TMEM64: variants seen among roughly 807,000 people sequenced by gnomAD.
TMEM64 encodes the protein transmembrane protein 64.
A neutral mutation model predicts 24.5 loss-of-function variants in TMEM64; 19 were observed. The ratio of observed to expected loss-of-function variants is 0.78; its 90% CI spans 0.54 to 1.14. The LOEUF is 1.14. Among genes scored for constraint, TMEM64 ranks in the 50% most tolerant of loss-of-function variants. The pLI, the probability that TMEM64 is intolerant of heterozygous loss-of-function variation, is 0.00. For missense variants in TMEM64, 487 were observed against 493.0 expected, an observed-to-expected ratio of 0.99 and a Z score of 0.12; for synonymous variants, 262 against 224.7, an observed-to-expected ratio of 1.17 and a Z score of -1.49.
In TMEM64 at chr8:90,645,062, C is replaced by A; in HGVS notation, c.795+49G>T. ...CGCCCTCCTAGGGCCGCCACAAGAC[C>A]GCTCAAAAACAGACTTGGAGAGGGA... On this transcript the variant is annotated intron_variant, in intron 1 of 2. Coordinates refer to ENST00000458549, the MANE Select transcript of TMEM64 (RefSeq NM_001008495.4). This position sits in a 1 kb window ranked among gnomAD's most constrained non-coding sequence, Gnocchi z 4.2. The A allele has an allele frequency of 4.5e-6, 7 of 1,554,362 alleles. No individual in the cohort carries two copies. Among genetic ancestry groups the A allele is most frequent in the Non-Finnish European group, 6.1e-6 (7 of 1,143,970 alleles).
Position 90,625,194 on chromosome 8 carries a change from T to TAAAAC in TMEM64, c.*472_*476dup, listed in dbSNP as rs1366848126. ...AAGCTAAGTGGTCCCACTTAAACAA[T>TAAAAC]AAAACAAAACAAAACAAAAACCACT... is the stretch of plus-strand genomic sequence containing the variant. On this transcript the variant is annotated 3_prime_UTR_variant, in exon 3 of 3. Transcript: ENST00000458549. 1.3e-5 allele frequency: 2 copies of TAAAAC among 152,190 alleles called. No homozygotes were observed. Among genetic ancestry groups the TAAAAC allele is most frequent in the South Asian group, 4.1e-4 (2 of 4,834 alleles). The allele number at this position is 152,190 out of a possible 1,614,324, so 9.4% of individuals were successfully genotyped here.
chr8:90,641,875 A>G (rs1185341017), intron 1 of TMEM64, among the ~76,000 whole-genome samples: 1 of 152,212 alleles, frequency 6.6e-6, no homozygotes, highest in Non-Finnish European at 1.5e-5. Context: ...TAATGAGCAA[A>G]CTATATATTT....
At chr8:90,628,720 T>C (rs1350658954) in intron 2 of TMEM64, among the ~76,000 whole-genome samples, 1 of 152,158 alleles carries the variant, frequency 6.6e-6, no homozygotes, top group East Asian at 1.9e-4. Context: ...AGTTTGAGCA[T>C]TCCTAACCCA....
rs1380852970 is a variant in TMEM64, at chr8:90,645,422, G to T, written c.484C>A (p.Leu162Ile). 1 of 1,551,716 alleles carries T rather than the reference G, an allele frequency of 6.4e-7. No individual in the cohort carries two copies. Among genetic ancestry groups the T allele is most frequent in the South Asian group, 1.2e-5 (1 of 84,074 alleles). Residue 162 changes from leucine to isoleucine, a missense_variant, in exon 1 of 3, where the codon CTC becomes ATC. Physicochemically the swap from Leu to Ile is conservative, Grantham distance 5 (BLOSUM62 2). Around this residue, in one of 3 missense-constraint regions of TMEM64, gnomAD observed 419 missense variants for 407.5 expected, o/e 1.03. Transcript: ENST00000458549. This position sits in a 1 kb window ranked among gnomAD's most constrained non-coding sequence, Gnocchi z 4.2. ...ESLDSLLGVLLFVVGFIVVSF... is the reference protein window; with the variant it reads ...ESLDSLLGVLIFVVGFIVVSF... Reference sequence around the variant, plus strand: ...ACCACGATGAAGCCCACGACGAAGAGCAGGACCCCCAGCAGCGAGTCAAGG... The same window carrying T: ...ACCACGATGAAGCCCACGACGAAGATCAGGACCCCCAGCAGCGAGTCAAGG...
intron 2 of TMEM64, among the ~76,000 whole-genome samples, chr8:90,627,481 T>C (rs1032894003): frequency 6.9e-6 from 1 of 145,920 alleles, no homozygotes; most frequent in Non-Finnish European, 1.5e-5. Context: ...CGGGGGCGGG[T>C]GCTTTGTGAA....
chr8:90,645,732 T>C lies in TMEM64; in HGVS notation c.174A>G (p.Ala58=), dbSNP rs1210651397. The change falls in exon 1 of 3, where the codon GCA becomes GCG. Residue 58 remains alanine, a synonymous_variant. Coordinates refer to ENST00000458549, the MANE Select transcript of TMEM64 (RefSeq NM_001008495.4). The surrounding 1 kb of genome is among the most constrained non-coding windows in gnomAD (Gnocchi z 4.2). ...RGGGASAAAA[A]AAASGALLGA... ...CGAGCAGGGCGCCCGAGGCCGCCGC[T>C]GCTGCCGCCGCCGCGCTCGCCCCGC... 7.8e-6 allele frequency: 9 copies of C among 1,157,544 alleles called. No homozygotes were observed. The highest frequency in any genetic ancestry group is 2.1e-6 in the Non-Finnish European group (2 of 941,716). 71.7% of individuals were successfully genotyped at this position (1,157,544 alleles called of 1,614,324 possible).
Position 90,645,534 on chromosome 8 carries a change from C to A in TMEM64, c.372G>T (p.Val124=). The A allele has an allele frequency of 1.3e-6, 2 of 1,548,884 alleles. No individual in the cohort carries two copies. The highest frequency in any genetic ancestry group is 2.4e-5 in the East Asian group (1 of 40,896). ...LGSTCWCRSL[V]LVCVLAALCF... is the part of the protein sequence containing the mutation. ...ACAGGGCGGCCAACACGCAGACCAG[C>A]ACGAGGCTCCGGCACCAACAGGTGC... Residue 124 remains valine, a synonymous_variant, in exon 1 of 3, where the codon GTG becomes GTT. Coordinates refer to ENST00000458549, the MANE Select transcript of TMEM64 (RefSeq NM_001008495.4). The surrounding 1 kb of genome is among the most constrained non-coding windows in gnomAD (Gnocchi z 4.2).
In TMEM64 at chr8:90,623,248, G is replaced by C. The variant is rs1209218349; in HGVS notation, c.*2423C>G. The C allele has an allele frequency of 6.6e-6, 1 of 152,074 alleles. No individual in the cohort carries two copies. Among genetic ancestry groups the C allele is most frequent in the African/African-American group, 2.4e-5 (1 of 41,406 alleles). The allele number at this position is 152,074 out of a possible 1,614,324, so 9.4% of individuals were successfully genotyped here. The stretch of plus-strand genomic sequence containing the variant: ...TTCATTTCTATAAATATACATGAGT[G>C]GAGACATTTTATAAGTACATATGAC... On this transcript the variant is annotated 3_prime_UTR_variant, in exon 3 of 3. Transcript: ENST00000458549.
intron 2 of TMEM64, among the ~76,000 whole-genome samples, chr8:90,631,139 T>TA (rs1194847214): frequency 6.6e-6 from 1 of 152,122 alleles, no homozygotes; most frequent in African/African-American, 2.4e-5. Context: ...AACATAACAC[T>TA]AAAAAATACA....
In TMEM64 at chr8:90,645,777, C is replaced by A. The variant is rs1179443339; in HGVS notation, c.129G>T (p.Ala43=). Residue 43 remains alanine (A), a synonymous_variant, in exon 1 of 3, where the codon GCG becomes GCT. Transcript: ENST00000458549. This position sits in a 1 kb window ranked among gnomAD's most constrained non-coding sequence, Gnocchi z 4.2. ...CCCCGCCCCCGCGGGGAAGGCGGTC[C>A]GCCGGGCCGTCCCCGCCCGCACCCC... is the stretch of plus-strand genomic sequence containing the variant. The part of the protein sequence containing the change: ...LPRGAGGDGP[A]DRLPRGGGAS... The A allele has an allele frequency of 2.0e-6, 2 of 1,021,034 alleles. No homozygotes were observed. The highest frequency in any genetic ancestry group is 1.7e-5 in the African/African-American group (1 of 57,596). The allele number at this position is 1,021,034 out of a possible 1,614,324, so 63.2% of individuals were successfully genotyped here. A position where few individuals can be genotyped will look rare whatever the true frequency, so the allele number is the denominator to read the frequency against.
intron 2 of TMEM64, among the ~76,000 whole-genome samples, chr8:90,629,503 G>T (rs1229020419): frequency 6.6e-6 from 1 of 151,808 alleles, no homozygotes; most frequent in African/African-American, 2.4e-5. Flanking sequence ...CTTATTTTCA[G>T]GAAACTACAA....
intron 2 of TMEM64, 141 bp from the exon 3 acceptor site, chr8:90,626,003 A>G: frequency 1.6e-6 from 1 of 633,390 alleles, no homozygotes; most frequent in East Asian, 2.8e-5. Flanking sequence ...ATTTTTAAAT[A>G]GTTTACACAC....
Position 90,645,721 on chromosome 8 carries a change from G to C in TMEM64, c.185C>G (p.Ser62Trp), listed in dbSNP as rs1809689022. The C allele has an allele frequency of 1.7e-5, 20 of 1,193,660 alleles. No homozygotes were observed. Among genetic ancestry groups the C allele is most frequent in the Non-Finnish European group, 2.1e-5 (20 of 964,944 alleles). The allele number at this position is 1,193,660 out of a possible 1,614,324, so 73.9% of individuals were successfully genotyped here. The change falls in exon 1 of 3, where the codon TCG becomes TGG. Residue 62 changes from serine to tryptophan, a missense_variant. This residue lies in a region of TMEM64 where 419 missense variants were observed against 407.5 expected (regional missense o/e 1.03). Coordinates refer to ENST00000458549, the MANE Select transcript of TMEM64 (RefSeq NM_001008495.4). The surrounding 1 kb of genome is among the most constrained non-coding windows in gnomAD (Gnocchi z 4.2). ...ASAAAAAAAASGALLGAYLER... is the reference protein window; with the variant it reads ...ASAAAAAAAAWGALLGAYLER... Reference sequence around the variant, plus strand: ...CAGATAGGCGCCGAGCAGGGCGCCCGAGGCCGCCGCTGCTGCCGCCGCCGC... The same window carrying C: ...CAGATAGGCGCCGAGCAGGGCGCCCCAGGCCGCCGCTGCTGCCGCCGCCGC...
chr8:90,643,124 C>G (rs1255774261), intron 1 of TMEM64, among the ~76,000 whole-genome samples: 1 of 152,034 alleles, frequency 6.6e-6, no homozygotes. Flanking sequence ...ATAATGAGCC[C>G]TTACTATTTA....
At chr8:90,644,756 T>C (rs1261321463) in intron 1 of TMEM64, among the ~76,000 whole-genome samples, 4 of 152,204 alleles carry the variant, frequency 2.6e-5, no homozygotes, top group African/African-American at 9.6e-5. Flanking sequence ...GAGAGAAAGC[T>C]TTCCTCCCTA....
chr8:90,640,380 A>C (rs1809587042), intron 1 of TMEM64, among the ~76,000 whole-genome samples: 1 of 152,244 alleles, frequency 6.6e-6, no homozygotes, highest in Non-Finnish European at 1.5e-5. Flanking sequence ...AAATGAGAAA[A>C]TGTGTATTTT....
rs1234579359 is a variant in TMEM64, at chr8:90,622,866, T to C, written c.*2805A>G. ...ATAAACCCACAGTCACTTCTGAACA[T>C]AAAGTACACATTCTAATGACAGAGA... On this transcript the variant is annotated 3_prime_UTR_variant, in exon 3 of 3. Coordinates refer to ENST00000458549, the MANE Select transcript of TMEM64 (RefSeq NM_001008495.4). 6.6e-6 allele frequency: 1 copy of C among 152,178 alleles called. No individual in the cohort carries two copies. The highest frequency in any genetic ancestry group is 2.4e-5 in the African/African-American group (1 of 41,460). The allele number at this position is 152,178 out of a possible 1,614,324, so 9.4% of individuals were successfully genotyped here. A position where few individuals can be genotyped will look rare whatever the true frequency, so the allele number is the denominator to read the frequency against.
chr8:90,623,447 A>G lies in TMEM64; in HGVS notation c.*2224T>C, dbSNP rs1447302706. On this transcript the variant is annotated 3_prime_UTR_variant, in exon 3 of 3. Transcript: ENST00000458549. ...AATTTACCCATCAAGTAGCAGGACT[A>G]TAAGGGACTATTGTTTACTTGGATG... is the stretch of plus-strand genomic sequence containing the variant. 1.3e-5 allele frequency: 2 copies of G among 152,544 alleles called. No homozygotes were observed. The highest frequency in any genetic ancestry group is 1.3e-4 in the Admixed American group (2 of 15,264). 9.4% of individuals were successfully genotyped at this position (152,544 alleles called of 1,614,324 possible). A position where few individuals can be genotyped will look rare whatever the true frequency, so the allele number is the denominator to read the frequency against.
chr8:90,645,553 C>T lies in TMEM64; in HGVS notation c.353G>A (p.Cys118Tyr), dbSNP rs890991281. The change falls in exon 1 of 3, where the codon TGT becomes TAT. Residue 118 changes from cysteine (C) to tyrosine (Y), a missense_variant. By Grantham distance (194) the Cys-to-Tyr change is radical. This residue lies in a region of TMEM64 where 419 missense variants were observed against 407.5 expected (regional missense o/e 1.03). Coordinates refer to ENST00000458549, the MANE Select transcript of TMEM64 (RefSeq NM_001008495.4). This position sits in a 1 kb window ranked among gnomAD's most constrained non-coding sequence, Gnocchi z 4.2. ...GACCAGCACGAGGCTCCGGCACCAA[C>T]AGGTGCTGCCGAGGCAGCAGCAGCG... is the stretch of plus-strand genomic sequence containing the variant. The part of the protein sequence containing the change: ...NWRCCCLGST[C>Y]WCRSLVLVCV... 6 of 1,547,048 alleles carry T rather than the reference C, an allele frequency of 3.9e-6. No individual in the cohort carries two copies. The highest frequency in any genetic ancestry group is 2.4e-5 in the South Asian group (2 of 84,050).
Sources: gnomAD v4.1 joint callset for allele counts (sites outside exome capture counted in the v4.1 genomes callset) on GRCh38, gnomAD v4.1.1 for gene constraint, gnomAD v4.1.1 regional missense constraint, Gnocchi (gnomAD v3.1) non-coding constraint, MANE v1.5 for transcripts, NCBI Gene and HGNC (gene_info 2026-07-23, HGNC 2026-07-21) for gene names.